Variants in NUDT7 observed in about 807,000 individuals in gnomAD.
The protein encoded by NUDT7 is peroxisomal coenzyme A diphosphatase NUDT7.
A neutral mutation model predicts 13.1 loss-of-function variants in NUDT7; 19 were observed. The ratio of observed to expected loss-of-function variants is 1.45; its 90% CI spans 1.01 to 2.13. NUDT7 has a LOEUF of 2.13. NUDT7 is among the 30% of genes most tolerant of loss of function. NUDT7 has a pLI of 0.00. For missense variants in NUDT7, 360 were observed against 291.7 expected (o/e 1.23, Z -1.71); for synonymous variants, 132 against 109.7 (o/e 1.20, Z -1.27).
intron 2 of NUDT7, among the ~76,000 whole-genome samples, chr16:77,735,035 A>T (rs1015740841): frequency 2.6e-5 from 4 of 152,210 alleles, no homozygotes; most frequent in Non-Finnish European, 5.9e-5. Flanking sequence ...GACTGTTCTG[A>T]GGACCCAGTG....
At chr16:77,726,703 A>G (rs1367626021) in intron 2 of NUDT7, among the ~76,000 whole-genome samples, 1 of 152,192 alleles carries the variant, frequency 6.6e-6, no homozygotes, top group East Asian at 1.9e-4. Context: ...AGGCTGAGGC[A>G]GGAGAAACAC....
intron 3 of NUDT7, among the ~76,000 whole-genome samples, chr16:77,737,675 C>A (rs1021081373): frequency 2.6e-5 from 4 of 152,006 alleles, no homozygotes; most frequent in African/African-American, 9.7e-5. Flanking sequence ...TTAGTAGAGA[C>A]GGGGTTTCAC....
At position 77,725,490 on chromosome 16, in the gene NUDT7, A is replaced by G; in HGVS notation, c.95A>G (p.Tyr32Cys). Residue 32 changes from tyrosine (Y) to cysteine (C), a missense_variant, in exon 2 of 4, where the codon TAT becomes TGT. Transcript: ENST00000268533. ...AGAAAGTATGATATTGGAGGCAAAT[A>G]TTCTCACTTGCCATATAACAAATAC... ...RLRKYDIGGK[Y>C]SHLPYNKYSV... The G allele has an allele frequency of 1.9e-6, 3 of 1,613,382 alleles. No individual in the cohort carries two copies. Among genetic ancestry groups the G allele is most frequent in the Non-Finnish European group, 2.5e-6 (3 of 1,179,336 alleles).
At chr16:77,740,416 A>G (rs980018847) in intron 3 of NUDT7, among the ~76,000 whole-genome samples, 3 of 152,072 alleles carry the variant, frequency 2.0e-5, no homozygotes, top group Non-Finnish European at 2.9e-5. Flanking sequence ...TTTCTAATAC[A>G]AAGGCAGGCA....
chr16:77,732,520 A>G (rs1381152110), intron 2 of NUDT7, among the ~76,000 whole-genome samples: 1 of 152,136 alleles, frequency 6.6e-6, no homozygotes, highest in Admixed American at 6.5e-5. Flanking sequence ...ATACTGGTGA[A>G]CCATTTTTGA....
chr16:77,739,627 T>C (rs1400293894), intron 3 of NUDT7, among the ~76,000 whole-genome samples: 1 of 152,188 alleles, frequency 6.6e-6, no homozygotes, highest in Non-Finnish European at 1.5e-5. Flanking sequence ...AAGCATGCCC[T>C]AACCTCCTGG....
At chr16:77,741,224 A>G (rs2014649832) in intron 3 of NUDT7, among the ~76,000 whole-genome samples, 1 of 152,208 alleles carries the variant, frequency 6.6e-6, no homozygotes, top group African/African-American at 2.4e-5. Context: ...CTAATTCTTC[A>G]GGTTTATACT....
At chr16:77,729,561 C>G (rs1008423595) in intron 2 of NUDT7, among the ~76,000 whole-genome samples, 1 of 152,078 alleles carries the variant, frequency 6.6e-6, no homozygotes, top group South Asian at 2.1e-4. Flanking sequence ...AGGCATGGCT[C>G]ACACCTGTAA....
intron 3 of NUDT7, among the ~76,000 whole-genome samples, chr16:77,739,121 CT>C (rs1301801478): frequency 6.6e-6 from 1 of 152,160 alleles, no homozygotes; most frequent in Admixed American, 6.5e-5. Context: ...CCCAGGGCTT[CT>C]GATAACTCAC....
chr16:77,733,231 C>G (rs1355484740), intron 2 of NUDT7, among the ~76,000 whole-genome samples: 1 of 152,176 alleles, frequency 6.6e-6, no homozygotes, highest in Non-Finnish European at 1.5e-5. Context: ...ACACCTTAGA[C>G]TGGGTGGCTT....
intron 3 of NUDT7, 103 bp from the exon 4 acceptor site, chr16:77,741,479 G>C (rs896511456): frequency 1.5e-5 from 18 of 1,222,660 alleles, no homozygotes; most frequent in East Asian, 4.7e-5. Context: ...CCTTCTCCCA[G>C]GTTCGGTGTA....
chr16:77,722,746 T>C, intron 1 of NUDT7, 129 bp downstream of exon 1: 1 of 841,754 alleles, frequency 1.2e-6, no homozygotes, highest in Non-Finnish European at 1.9e-6. Flanking sequence ...GAGCGCCGGA[T>C]GGGGGAGCAC....
intron 2 of NUDT7, among the ~76,000 whole-genome samples, chr16:77,730,878 T>C (rs1470750723): frequency 6.6e-6 from 1 of 152,188 alleles, no homozygotes; most frequent in Non-Finnish European, 1.5e-5. Flanking sequence ...AGCATTTTTT[T>C]CATATACCTT....
chr16:77,725,375 G>A, intron 1 of NUDT7, 56 bp from the exon 2 acceptor site: 12 of 1,523,474 alleles, frequency 7.9e-6, no homozygotes, highest in Non-Finnish European at 1.1e-5. Context: ...AGGACTATAA[G>A]CTTTTTACCA....
At position 77,731,252 on chromosome 16, in the gene NUDT7, C is replaced by A. The variant is rs1189314578; in HGVS notation, c.190-4576C>A. Among the ~76,000 whole-genome samples, 3 of 152,114 alleles carry A rather than the reference C, an allele frequency of 2.0e-5. No homozygotes were observed. The East Asian group carries it at 5.8e-4, about 29-fold the overall frequency. On this transcript the variant is annotated intron_variant, in intron 2 of 3. Transcript: ENST00000268533. ...TATTAATTGGAATAGGTGTACAAGG[C>A]AAATTGAATAAAATTGGTATGCTAT...
At chr16:77,735,619 A>G (rs1421756717) in intron 2 of NUDT7, 6 of 600,384 alleles carry the variant, frequency 1.0e-5, no homozygotes, top group South Asian at 2.1e-5. Context: ...GACAAATAGA[A>G]TAAAAGTTAG....
At chr16:77,741,245 C>T (rs563693266) in intron 3 of NUDT7, among the ~76,000 whole-genome samples, 111 of 152,252 alleles carry the variant, frequency 7.3e-4, no homozygotes, top group Middle Eastern at 3.4e-3. Context: ...TGTGTCTTTT[C>T]TTACTGGTAG....
At chr16:77,724,869 T>C (rs80159064) in intron 1 of NUDT7, among the ~76,000 whole-genome samples, 8,736 of 152,296 alleles carry the variant, frequency 0.057, 280 homozygotes, top group Admixed American at 0.098. Context: ...TCAGTAACGC[T>C]GTCATGAGGG....
rs917764805 is a variant in NUDT7 at position 77,729,219 on chromosome 16, A to G, written c.189+3635A>G. On this transcript the variant is annotated intron_variant, in intron 2 of 3. Transcript: ENST00000268533. ...CCTGTTTTCTTCAAAACAGCGTAAT[A>G]TTTTCTTTTTTAAAAACAAAATTAA... 2.0e-4 allele frequency among the ~76,000 whole-genome samples: 31 copies of G among 152,294 alleles called. 1 individual carries two copies. The highest frequency in any genetic ancestry group is 1.4e-3 in the Admixed American group (21 of 15,298).
Sources: allele counts gnomAD v4.1 joint callset (sites outside exome capture counted in the v4.1 genomes callset), GRCh38; gene constraint gnomAD v4.1.1; transcripts MANE v1.5; gene names NCBI Gene and HGNC (gene_info 2026-07-23, HGNC 2026-07-21).